ZFHX3: variants seen among roughly 807,000 people sequenced by gnomAD.
ZFHX3 encodes the protein zinc finger homeobox protein 3.
In ZFHX3, 42 loss-of-function variants were observed where a neutral mutation model predicts 279.1. The ratio of observed to expected loss-of-function variants is 0.15; its 90% CI spans 0.12 to 0.19. The LOEUF is 0.19. Among genes scored for constraint, ZFHX3 ranks in the 10% least tolerant of loss-of-function variants. The pLI, the probability that ZFHX3 is intolerant of heterozygous loss-of-function variation, is 1.00. For synonymous variants in ZFHX3, 2,293 were observed against 1,957.8 expected (o/e 1.17, Z -4.52); for missense variants, 4,981 against 4,754.0 (o/e 1.05, Z -1.40).
At chr16:73,549,807 TTTCTTC>T (rs1460117015) in intron 2 of ZFHX3, among the ~76,000 whole-genome samples, 1 of 151,988 alleles carries the variant, frequency 6.6e-6, no homozygotes, top group Non-Finnish European at 1.5e-5. Flanking sequence ...TTTTCTTCTT[TTTCTTC>T]TTCTTTCTTT....
intron 3 of ZFHX3, among the ~76,000 whole-genome samples, chr16:73,365,136 G>T (rs1567461946): frequency 6.6e-6 from 1 of 152,224 alleles, no homozygotes; most frequent in Non-Finnish European, 1.5e-5. Context: ...TTCCATGAGG[G>T]ATTGTGATGA....
intron 2 of ZFHX3, among the ~76,000 whole-genome samples, chr16:73,651,443 T>A (rs2052669449): frequency 6.6e-6 from 1 of 151,674 alleles, no homozygotes; most frequent in Non-Finnish European, 1.5e-5. Flanking sequence ...AAAGCAGTAT[T>A]AAATAAAAAA....
At chr16:72,986,048 C>A (rs993756008) in intron 1 of ZFHX3, among the ~76,000 whole-genome samples, 6 of 152,118 alleles carry the variant, frequency 3.9e-5, no homozygotes, top group Admixed American at 1.3e-4. Context: ...AACCACCCCC[C>A]ACCCCGCCAA....
intron 5 of ZFHX3, among the ~76,000 whole-genome samples, chr16:73,157,465 TAA>T (rs1297201223): frequency 3.0e-4 from 23 of 76,490 alleles, no homozygotes; most frequent in East Asian, 3.4e-4. Context: ...GAATGTTTGG[TAA>T]AAAAAAAAAA....
chr16:73,036,082 C>A (rs1028478406), intron 1 of ZFHX3, among the ~76,000 whole-genome samples: 1 of 152,218 alleles, frequency 6.6e-6, no homozygotes, highest in Non-Finnish European at 1.5e-5. Flanking sequence ...TCCACCTTCT[C>A]CCCCACCCCA....
intron 1 of ZFHX3, among the ~76,000 whole-genome samples, chr16:73,814,206 G>C (rs906051149): frequency 6.6e-6 from 1 of 152,166 alleles, no homozygotes; most frequent in Non-Finnish European, 1.5e-5. Flanking sequence ...CTGGTAAGGA[G>C]TTACTTCCTC....
At chr16:73,274,809 C>T (rs1299928304) in intron 4 of ZFHX3, among the ~76,000 whole-genome samples, 3 of 152,152 alleles carry the variant, frequency 2.0e-5, no homozygotes, top group Non-Finnish European at 4.4e-5. Context: ...CAGTAATTAC[C>T]AGTATTATTT....
chr16:73,742,170 C>T (rs1425436779), intron 1 of ZFHX3, among the ~76,000 whole-genome samples: 2 of 152,170 alleles, frequency 1.3e-5, no homozygotes, highest in Non-Finnish European at 1.5e-5. Context: ...TTTTCTAAGA[C>T]CATCTTTACA....
intron 4 of ZFHX3, among the ~76,000 whole-genome samples, chr16:73,292,478 T>C (rs761471810): frequency 6.6e-6 from 1 of 152,256 alleles, no homozygotes; most frequent in African/African-American, 2.4e-5. Context: ...TGCCAGGTTT[T>C]ATTTTAGTAG....
At chr16:73,172,901 C>A (rs956383535) in intron 5 of ZFHX3, among the ~76,000 whole-genome samples, 13 of 147,938 alleles carry the variant, frequency 8.8e-5, no homozygotes, top group Non-Finnish European at 1.8e-4. Flanking sequence ...ATTTCGACTG[C>A]CTTGATTTCT....
chr16:73,301,758 C>CTTTTTTTTT (rs559715399), intron 4 of ZFHX3, among the ~76,000 whole-genome samples: 1 of 140,118 alleles, frequency 7.1e-6, no homozygotes, highest in African/African-American at 2.7e-5. Context: ...TTGATTCCAG[C>CTTTTTTTTT]TTTTTTTTTT....
At chr16:73,303,967 A>G (rs1387380221) in intron 4 of ZFHX3, among the ~76,000 whole-genome samples, 1 of 121,830 alleles carries the variant, frequency 8.2e-6, no homozygotes, top group Non-Finnish European at 1.7e-5. Context: ...TAGGTGGAAA[A>G]AAAAAAAAAA....
intron 1 of ZFHX3, among the ~76,000 whole-genome samples, chr16:73,705,306 C>A (rs1355786913): frequency 6.6e-6 from 1 of 152,120 alleles, no homozygotes. Flanking sequence ...CACAGATTCG[C>A]CTCAGTCACT....
chr16:72,953,568 C>T (rs1215968588), intron 2 of ZFHX3, among the ~76,000 whole-genome samples: 2 of 152,238 alleles, frequency 1.3e-5, no homozygotes, highest in East Asian at 1.9e-4. Context: ...TTGGAATAAG[C>T]AGAGGAACGA....
intron 5 of ZFHX3, among the ~76,000 whole-genome samples, chr16:73,243,631 C>T (rs191897462): frequency 8.5e-5 from 13 of 152,218 alleles, no homozygotes; most frequent in East Asian, 7.7e-4. Flanking sequence ...TTCCATATGA[C>T]GGTAAAGGCT....
chr16:73,254,599 A>G (rs2013607977), intron 5 of ZFHX3, among the ~76,000 whole-genome samples: 1 of 152,028 alleles, frequency 6.6e-6, no homozygotes. Flanking sequence ...GCTTCCTCCA[A>G]TGGCAGCATC....
chr16:73,252,978 G>C (rs952769129), intron 5 of ZFHX3, among the ~76,000 whole-genome samples: 1 of 152,180 alleles, frequency 6.6e-6, no homozygotes, highest in Non-Finnish European at 1.5e-5. Context: ...AGCAGTTGTG[G>C]AAGCAGAACT....
intron 3 of ZFHX3, among the ~76,000 whole-genome samples, chr16:73,446,662 T>G (rs540329540): frequency 3.9e-5 from 6 of 152,242 alleles, no homozygotes. Context: ...ATGTTCTCAC[T>G]TATAAGTGGG....
rs770965556 is a variant in ZFHX3 at position 72,788,463 on chromosome 16, C to T, written c.9813G>A (p.Thr3271=). ...CCATGGTGGGCAGCGGGGCTGAGAT[C>T]GTGGCTGCAGTTGCCGTGGGGGCCT... is the stretch of plus-strand genomic sequence containing the variant. ...KGEAPTATAA[T]ISAPLPTMEY... The change falls in exon 10 of 10, where the codon ACG becomes ACA. Residue 3271 remains threonine, a synonymous_variant. Coordinates refer to ENST00000268489, the MANE Select transcript of ZFHX3 (RefSeq NM_006885.4). 1.9e-6 allele frequency: 3 copies of T among 1,614,244 alleles called. No individual in the cohort carries two copies. Among genetic ancestry groups the T allele is most frequent in the Admixed American group, 1.7e-5 (1 of 60,034 alleles).
Sources: allele counts gnomAD v4.1 joint callset (sites outside exome capture counted in the v4.1 genomes callset), GRCh38; gene constraint gnomAD v4.1.1; transcripts MANE v1.5; gene names NCBI Gene and HGNC (gene_info 2026-07-23, HGNC 2026-07-21).